The following CYRIB variants were observed in gnomAD, a reference collection of about 807,000 sequenced individuals.
The protein encoded by CYRIB is CYFIP related Rac1 interactor B, also known as CYFIP-related Rac1 interactor B.
In CYRIB, 8 loss-of-function variants were observed where a neutral mutation model predicts 44.2. The ratio of observed to expected loss-of-function variants is 0.18; its 90% confidence interval spans 0.11 to 0.33. The LOEUF (loss-of-function observed/expected upper bound fraction) is 0.33. CYRIB is among the 10% of genes least tolerant of loss of function. The pLI is 1.00. For synonymous variants in CYRIB, 131 were observed against 127.2 expected (o/e 1.03, Z -0.20); for missense variants, 185 against 382.8 (o/e 0.48, Z 4.31).
intron 1 of CYRIB, among the ~76,000 whole-genome samples, chr8:130,006,664 A>G (rs59417464): frequency 0.26 from 12,802 of 49,300 alleles, 4,024 homozygotes; most frequent in African/African-American, 0.72. Context: ...ATATATATGT[A>G]TATATATATG....
At chr8:129,884,242 T>C (rs2134186777) in intron 2 of CYRIB, among the ~76,000 whole-genome samples, 1 of 152,258 alleles carries the variant, frequency 6.6e-6, no homozygotes, top group African/African-American at 2.4e-5. Flanking sequence ...TAGTAAGATT[T>C]CTAAGTTTCG....
At chr8:129,974,891 T>TC (rs2095852484) in intron 1 of CYRIB, among the ~76,000 whole-genome samples, 1 of 151,268 alleles carries the variant, frequency 6.6e-6, no homozygotes, top group East Asian at 1.9e-4. Flanking sequence ...CAGATAATTT[T>TC]TTTTTTTTTT....
chr8:129,918,051 C>A (rs541310844), intron 1 of CYRIB, among the ~76,000 whole-genome samples: 1 of 152,172 alleles, frequency 6.6e-6, no homozygotes, highest in East Asian at 1.9e-4. Flanking sequence ...TACGAGTGAC[C>A]ACTGGCCAGT....
chr8:129,939,490 G>A (rs1222729628), intron 1 of CYRIB: 3 of 151,922 alleles, frequency 2.0e-5, no homozygotes, highest in African/African-American at 4.8e-5. Context: ...TGGAAAGGAG[G>A]AAGCCCCGCG....
intron 2 of CYRIB, among the ~76,000 whole-genome samples, chr8:129,889,364 T>C (rs2064133382): frequency 6.6e-6 from 1 of 152,224 alleles, no homozygotes; most frequent in Non-Finnish European, 1.5e-5. Flanking sequence ...GCTAACACAA[T>C]ATCCACTCTG....
At chr8:130,006,413 T>C (rs1251290689) in intron 1 of CYRIB, among the ~76,000 whole-genome samples, 1 of 148,504 alleles carries the variant, frequency 6.7e-6, no homozygotes, top group Non-Finnish European at 1.5e-5. Flanking sequence ...CCCAGGAGAG[T>C]GAGTCCAGCT....
intron 11 of CYRIB, among the ~76,000 whole-genome samples, chr8:129,843,390 G>T: frequency 6.6e-6 from 1 of 152,034 alleles, no homozygotes; most frequent in East Asian, 1.9e-4. Flanking sequence ...GCAGCAGGGA[G>T]GCATTAAATA....
At chr8:129,897,295 T>C (rs893474820) in intron 2 of CYRIB, among the ~76,000 whole-genome samples, 3 of 152,182 alleles carry the variant, frequency 2.0e-5, no homozygotes, top group Admixed American at 1.3e-4. Flanking sequence ...TTAGAAAAAT[T>C]TGTAGAAACT....
chr8:129,863,070 G>T (rs749660030), intron 4 of CYRIB, among the ~76,000 whole-genome samples: 2 of 152,164 alleles, frequency 1.3e-5, no homozygotes, highest in Non-Finnish European at 2.9e-5. Context: ...CTTTGTCAAA[G>T]AATTATTTTA....
chr8:129,893,479 C>A (rs1040945557), intron 2 of CYRIB, among the ~76,000 whole-genome samples: 1 of 152,104 alleles, frequency 6.6e-6, no homozygotes, highest in Admixed American at 6.6e-5. Context: ...AGGGCTGATT[C>A]TTAATTCTTT....
intron 1 of CYRIB, among the ~76,000 whole-genome samples, chr8:129,974,315 G>A (rs1045935028): frequency 1.2e-4 from 19 of 152,112 alleles, no homozygotes; most frequent in South Asian, 4.1e-4. Context: ...GCAAAACATC[G>A]CTTAAATGGA....
At chr8:129,934,487 C>A (rs531690759) in intron 1 of CYRIB, among the ~76,000 whole-genome samples, 3 of 152,054 alleles carry the variant, frequency 2.0e-5, no homozygotes, top group Non-Finnish European at 4.4e-5. Context: ...TGTCATATTG[C>A]GGCAGGCCAG....
intron 1 of CYRIB, among the ~76,000 whole-genome samples, chr8:129,909,121 A>G (rs2076832630): frequency 6.6e-6 from 1 of 152,032 alleles, no homozygotes; most frequent in African/African-American, 2.4e-5. Context: ...TTGTAAACCC[A>G]TGCTCCAGAA....
intron 2 of CYRIB, among the ~76,000 whole-genome samples, chr8:129,895,122 G>A (rs1186049303): frequency 1.5e-5 from 2 of 132,912 alleles, no homozygotes; most frequent in African/African-American, 5.8e-5. Flanking sequence ...GGGTTGGGGT[G>A]GGGGTGGGGG....
chr8:129,967,473 A>G (rs780652761), intron 2 of CYRIB, among the ~76,000 whole-genome samples: 10 of 150,716 alleles, frequency 6.6e-5, no homozygotes, highest in Non-Finnish European at 1.3e-4. Flanking sequence ...TCCACCTCCC[A>G]GGTTCACGCC....
At chr8:129,953,102 G>A (rs558565239) in intron 2 of CYRIB, among the ~76,000 whole-genome samples, 5 of 152,266 alleles carry the variant, frequency 3.3e-5, no homozygotes, top group Admixed American at 3.3e-4. Context: ...ACCTACTTGG[G>A]GGACATAGAG....
intron 1 of CYRIB, among the ~76,000 whole-genome samples, chr8:129,907,947 A>G (rs183858648): frequency 3.3e-5 from 5 of 152,352 alleles, no homozygotes; most frequent in Non-Finnish European, 5.9e-5. Flanking sequence ...GATTGCACTG[A>G]GCTGAAATCA....
chr8:129,974,126 C>T (rs1015150058), intron 1 of CYRIB, among the ~76,000 whole-genome samples: 2 of 152,144 alleles, frequency 1.3e-5, no homozygotes, highest in African/African-American at 4.8e-5. Flanking sequence ...TCCAGCCGAC[C>T]CAACACTCCT....
At chr8:130,008,553 G>A (rs1363854182) in intron 1 of CYRIB, 3 of 154,144 alleles carry the variant, frequency 1.9e-5, no homozygotes, top group African/African-American at 7.2e-5. Context: ...GATCCATCAC[G>A]GGGCCTAGCA....
Sources: gnomAD v4.1 joint callset for allele counts (sites outside exome capture counted in the v4.1 genomes callset) on GRCh38, gnomAD v4.1.1 for gene constraint, MANE v1.5 for transcripts, NCBI Gene and HGNC (gene_info 2026-07-23, HGNC 2026-07-21) for gene names.